The following DPP3 variants were observed in gnomAD, a reference collection of about 807,000 sequenced individuals.
The protein encoded by DPP3 is dipeptidyl peptidase 3.
In DPP3, 64 loss-of-function variants were observed where a neutral mutation model predicts 89.8. That is an observed-to-expected ratio of 0.71 (90% CI 0.58 to 0.88). The LOEUF is 0.88. Ranked by LOEUF, DPP3 falls within the 40% of genes least tolerant of loss-of-function variation. The pLI is 0.00. For synonymous variants in DPP3, 377 were observed against 404.3 expected, an observed-to-expected ratio of 0.93 and a Z score of 0.81; for missense variants, 835 against 972.5, an observed-to-expected ratio of 0.86 and a Z score of 1.88.
chr11:66,491,986 T>C (rs1027536146), intron 9 of DPP3, among the ~76,000 whole-genome samples: 10 of 152,346 alleles, frequency 6.6e-5, no homozygotes, highest in Middle Eastern at 3.4e-3. Context: ...ATCTTCACTT[T>C]GCAGATGTGA....
chr11:66,502,224 T>C (rs1035548736), intron 16 of DPP3, among the ~76,000 whole-genome samples: 26 of 152,046 alleles, frequency 1.7e-4, no homozygotes, highest in African/African-American at 5.8e-4. Flanking sequence ...GATAGTGGTT[T>C]CCTTAGATGG....
At chr11:66,505,935 G>C (rs146219203) in intron 17 of DPP3, among the ~76,000 whole-genome samples, 50 of 151,828 alleles carry the variant, frequency 3.3e-4, no homozygotes, top group African/African-American at 1.1e-3. Context: ...TTTTTGGGTT[G>C]GTTTTGTTTT....
rs1052669343 is a variant in DPP3, at chr11:66,509,636, T to C, written c.*385T>C. ...CATATTAATTTTATAACCAGACAAATAAATATTAGAGACAACCACCATCTT... is the reference window on the plus strand; with the variant it reads ...CATATTAATTTTATAACCAGACAAACAAATATTAGAGACAACCACCATCTT... On this transcript the variant is annotated 3_prime_UTR_variant, in exon 18 of 18. Coordinates refer to ENST00000531863, the MANE Select transcript of DPP3 (RefSeq NM_130443.4). 1 of 529,138 alleles carries C rather than the reference T, an allele frequency of 1.9e-6. No individual in the cohort carries two copies. The allele number at this position is 529,138 out of a possible 1,614,324, so 32.8% of individuals were successfully genotyped here. A position where few individuals can be genotyped will look rare whatever the true frequency, so the allele number is the denominator to read the frequency against.
chr11:66,492,715 G>C lies in DPP3; in HGVS notation c.989-1G>C. On this transcript the variant is annotated splice_acceptor_variant, in intron 9 of 17. Coordinates refer to ENST00000531863, the MANE Select transcript of DPP3 (RefSeq NM_130443.4). LOFTEE classifies it high-confidence loss of function. ...GCCACAACCCCCTCCCTCCTCTGCA[G>C]GTTTCGTAGCTGTGGTGAACAAGGC... 6.3e-7 allele frequency: 1 copy of C among 1,580,224 alleles called. No homozygotes were observed.
intron 16 of DPP3, among the ~76,000 whole-genome samples, chr11:66,497,812 G>A (rs1438724136): frequency 6.6e-6 from 1 of 151,650 alleles, no homozygotes; most frequent in East Asian, 1.9e-4. Context: ...GATCACTTGA[G>A]CCTGAGGGGT....
Position 66,495,657 on chromosome 11 carries a change from G to C in DPP3, c.1605G>C (p.Ala535=). Residue 535 remains alanine (A), a synonymous_variant, in exon 15 of 18, where the codon GCG becomes GCC. Coordinates refer to ENST00000531863, the MANE Select transcript of DPP3 (RefSeq NM_130443.4). ...TCTTTGGCTTTGAGGGGGCTGATGC[G>C]GAGGACGTGATCTACGTGAACTGGC... is the stretch of plus-strand genomic sequence containing the variant. The part of the protein sequence containing the change: ...LEIFGFEGAD[A]EDVIYVNWLN... 1.2e-6 allele frequency: 2 copies of C among 1,614,134 alleles called. No individual in the cohort carries two copies. The highest frequency in any genetic ancestry group is 1.7e-6 in the Non-Finnish European group (2 of 1,180,006).
intron 17 of DPP3, among the ~76,000 whole-genome samples, chr11:66,507,071 C>T (rs1305568502): frequency 6.6e-6 from 1 of 152,016 alleles, no homozygotes; most frequent in East Asian, 1.9e-4. Context: ...ACAATACTCT[C>T]AATTGCTTTG....
At chr11:66,492,391 A>G in intron 9 of DPP3, 1 of 263,516 alleles carries the variant, frequency 3.8e-6, no homozygotes. Flanking sequence ...TGGATTTAGA[A>G]GAGTCTGAGC....
Position 66,509,314 on chromosome 11 carries a change from T to G in DPP3, c.*63T>G. 2 of 1,555,956 alleles carry G rather than the reference T, an allele frequency of 1.3e-6. No individual in the cohort carries two copies. Among genetic ancestry groups the G allele is most frequent in the Non-Finnish European group, 1.7e-6 (2 of 1,149,426 alleles). On this transcript the variant is annotated 3_prime_UTR_variant, in exon 18 of 18. Transcript: ENST00000531863. ...AAGGCTGCAAGTGGCCCTCCATTCGTGTGTGTATTTAGGGGCTGGGGAGGG... is the reference window on the plus strand; with the variant it reads ...AAGGCTGCAAGTGGCCCTCCATTCGGGTGTGTATTTAGGGGCTGGGGAGGG...
rs749597109 is a variant in DPP3, at chr11:66,495,768, C to A, written c.1698+18C>A. The A allele has an allele frequency of 6.3e-7, 1 of 1,591,660 alleles. No homozygotes were observed. The highest frequency in any genetic ancestry group is 1.3e-5 in the African/African-American group (1 of 74,594). ...GGCGACAGGTAGGGCCTAGGTGGAG[C>A]CCCCTGGAGGCGGAAGGGAGCCTGC... is the stretch of plus-strand genomic sequence containing the variant. On this transcript the variant is annotated intron_variant, in intron 15 of 17. Transcript: ENST00000531863.
Position 66,493,662 on chromosome 11 carries a change from C to T in DPP3, c.1389+29C>T, listed in dbSNP as rs1344222725. 7 of 1,582,362 alleles carry T rather than the reference C, an allele frequency of 4.4e-6. No individual in the cohort carries two copies. In the African/African-American group the frequency reaches 8.1e-5, roughly 18 times the overall value. On this transcript the variant is annotated intron_variant, in intron 12 of 17. Coordinates refer to ENST00000531863, the MANE Select transcript of DPP3 (RefSeq NM_130443.4). The stretch of plus-strand genomic sequence containing the variant: ...AGAAGGCAGTGGCCAGCCCTGGCAC[C>T]CCAGCCTACAGCTCCACTCCCCACA...
chr11:66,503,219 G>A (rs1396985223), intron 16 of DPP3, among the ~76,000 whole-genome samples: 4 of 151,858 alleles, frequency 2.6e-5, no homozygotes, highest in Admixed American at 6.6e-5. Context: ...CGCCTGCCTC[G>A]GCCTCCCAAA....
At chr11:66,504,442 G>C (rs1255118857) in intron 16 of DPP3, among the ~76,000 whole-genome samples, 170 bp from the exon 17 acceptor site, 1 of 152,094 alleles carries the variant, frequency 6.6e-6, no homozygotes, top group Non-Finnish European at 1.5e-5. Flanking sequence ...AGCCTTAATG[G>C]TTAAGTTGAA....
chr11:66,487,022 C>T (rs1489216713), intron 4 of DPP3, among the ~76,000 whole-genome samples: 1 of 152,150 alleles, frequency 6.6e-6, no homozygotes, highest in Non-Finnish European at 1.5e-5. Context: ...ACATCCGTTG[C>T]ATGGGATGAG....
intron 1 of DPP3, 105 bp downstream of exon 1, chr11:66,480,570 G>T: frequency 2.3e-6 from 3 of 1,298,280 alleles, no homozygotes; most frequent in Non-Finnish European, 3.0e-6. Context: ...CCACTCTCCA[G>T]TACCCCCTCC....
At chr11:66,500,953 C>G (rs570486206) in intron 16 of DPP3, among the ~76,000 whole-genome samples, 22 of 152,208 alleles carry the variant, frequency 1.4e-4, no homozygotes, top group African/African-American at 5.1e-4. Flanking sequence ...CTTTGGGAGG[C>G]CGAGGCAGGC....
In DPP3 at chr11:66,489,786, C is replaced by T. The variant is rs1446766905; in HGVS notation, c.668-1467C>T. Among the ~76,000 whole-genome samples the T allele has an allele frequency of 6.6e-5, 10 of 152,260 alleles. No individual in the cohort carries two copies. In the East Asian group the frequency reaches 7.7e-4, roughly 12 times the overall value. On this transcript the variant is annotated intron_variant, in intron 6 of 17. Transcript: ENST00000531863. ...GCATCCCCAGGCTTGTTGACTCACA[C>T]GCAGGTGCTGGCTGCCGGCTGGAAC...
chr11:66,487,883 C>T, intron 5 of DPP3, 31 bp from the exon 6 acceptor site: 3 of 1,606,298 alleles, frequency 1.9e-6, no homozygotes, highest in Non-Finnish European at 2.6e-6. Context: ...CTCCAGACTT[C>T]ACTCTTAACC....
At position 66,493,204 on chromosome 11, in the gene DPP3, G is replaced by A. The variant is rs201186136; in HGVS notation, c.1296+25G>A. 2.7e-4 allele frequency: 437 copies of A among 1,595,890 alleles called. 1 individual carries two copies. The highest frequency in any genetic ancestry group is 3.5e-4 in the Non-Finnish European group (409 of 1,166,912). ...GGTGGGCGCCAGCAGTCGGAGGGTC[G>A]GGGCTGGGCCTCACCTTCCTCAGCA... On this transcript the variant is annotated intron_variant, in intron 11 of 17. Transcript: ENST00000531863.
Sources: gnomAD v4.1 joint callset for allele counts (sites outside exome capture counted in the v4.1 genomes callset) on GRCh38, gnomAD v4.1.1 for gene constraint, MANE v1.5 for transcripts, NCBI Gene and HGNC (gene_info 2026-07-23, HGNC 2026-07-21) for gene names.